SMC1A: variants seen among roughly 807,000 people sequenced by gnomAD.
SMC1A encodes the protein structural maintenance of chromosomes 1A.
In SMC1A, 4 loss-of-function variants were observed where a neutral mutation model predicts 94.5. The ratio of observed to expected loss-of-function variants is 0.04; its 90% CI spans 0.02 to 0.10. SMC1A has a LOEUF of 0.10. SMC1A is among the 10% of genes least tolerant of loss of function. The pLI, the probability that SMC1A is intolerant of heterozygous loss-of-function variation, is 1.00. For missense variants in SMC1A, 304 were observed against 989.0 expected (o/e 0.31, Z 9.29); for synonymous variants, 345 against 347.7 (o/e 0.99, Z 0.09).
At chrX:53,414,550 A>G (rs2075725022) in intron 3 of SMC1A, among the ~76,000 whole-genome samples, 1 of 111,950 alleles carries the variant, frequency 8.9e-6, no homozygotes, top group African/African-American at 3.2e-5. Context: ...AAATGTTTTA[A>G]GGAAAAAAGG....
intron 13 of SMC1A, 148 bp from the exon 14 acceptor site, chrX:53,404,041 T>C: frequency 3.9e-6 from 2 of 515,932 alleles, no homozygotes; most frequent in South Asian, 5.2e-5. Flanking sequence ...CAAGCCTCCA[T>C]GATGTTGCAC....
intron 1 of SMC1A, among the ~76,000 whole-genome samples, chrX:53,419,143 TATA>T (rs2075744306): frequency 1.8e-5 from 2 of 108,950 alleles, no homozygotes; most frequent in East Asian, 5.8e-4. Flanking sequence ...AAAGAACTTA[TATA>T]TGACTTTGAA....
chrX:53,415,261 C>A, intron 1 of SMC1A, 92 bp from the exon 2 acceptor site: 1 of 735,096 alleles, frequency 1.4e-6, no homozygotes. Flanking sequence ...AAAATGTCCC[C>A]TAATCACTCA....
rs1251659129 is a variant in SMC1A, at chrX:53,421,505, A to C, written c.109+987T>G. Among the ~76,000 whole-genome samples the C allele has an allele frequency of 2.7e-5, 3 of 112,023 alleles. No individual in the cohort carries two copies. In the Admixed American group the frequency reaches 2.8e-4, roughly 11 times the overall value. On this transcript the variant is annotated intron_variant, in intron 1 of 24. Coordinates refer to ENST00000322213, the MANE Select transcript of SMC1A (RefSeq NM_006306.4). ...TTCAGCTAGAACATCTCTGGGGTGG[A>C]AGAATACAGCAGGATTCCAAATGGA...
intron 9 of SMC1A, among the ~76,000 whole-genome samples, chrX:53,408,840 T>TAAAAAAAAAAAAAAAAAAAAA (rs1295569888): frequency 1.5e-5 from 1 of 67,063 alleles, no homozygotes. Context: ...GGTTGAAAAA[T>TAAAAAAAAAAAAAAAAAAAAA]AAAAAAAAAA....
chrX:53,374,864 C>T lies in SMC1A; in HGVS notation c.*5239G>A, dbSNP rs1372319660. ...CCCTCATCCACCACCACTAATGCCT[C>T]ATTAAATTCTAATTAACGTTCACTT... On this transcript the variant is annotated 3_prime_UTR_variant, in exon 25 of 25. Transcript: ENST00000322213. 8.8e-6 allele frequency: 1 copy of T among 113,006 alleles called. No individual in the cohort carries two copies. The highest frequency in any genetic ancestry group is 2.8e-4 in the East Asian group (1 of 3,584). 9.3% of individuals were successfully genotyped at this position (113,006 alleles called of 1,213,427 possible).
chrX:53,420,718 GGC>G (rs1195189601), intron 1 of SMC1A, among the ~76,000 whole-genome samples: 2 of 110,452 alleles, frequency 1.8e-5, no homozygotes, highest in Non-Finnish European at 3.8e-5. Context: ...CCAACCTTTG[GGC>G]TTCTCCCATC....
rs782145075 is a variant in SMC1A, at chrX:53,405,163, G to A, written c.2059-14C>T. 3 of 1,212,060 alleles carry A rather than the reference G, an allele frequency of 2.5e-6. No individual in the cohort carries two copies. The highest frequency in any genetic ancestry group is 3.0e-5 in the East Asian group (1 of 33,869). On this transcript the variant is annotated splice_polypyrimidine_tract_variant and intron_variant, in intron 12 of 24. Coordinates refer to ENST00000322213, the MANE Select transcript of SMC1A (RefSeq NM_006306.4). ...CTTCATCTGCTCCTGAAGGGAACAA[G>A]AAAGAAGGGCTAGGTGGTAAGGTGG...
chrX:53,422,450 C>G (rs782586637), intron 1 of SMC1A, 42 bp downstream of exon 1: 1 of 925,178 alleles, frequency 1.1e-6, no homozygotes, highest in East Asian at 3.1e-5. Context: ...ATAAGGGGTC[C>G]AGGCCGGGAC....
rs193056216 is a variant in SMC1A, at chrX:53,388,757, G to A, written c.2974-5504C>T. Among the ~76,000 whole-genome samples, 10 of 109,476 alleles carry A rather than the reference G, an allele frequency of 9.1e-5. No individual in the cohort carries two copies. The Admixed American group carries it at 1.0e-3, about 11-fold the overall frequency. ...TCACACCTGTAATCCGAGCACTCTG[G>A]GAGGCCGAGGCGGGTGGATCACAAG... On this transcript the variant is annotated intron_variant, in intron 19 of 24. Transcript: ENST00000322213.
chrX:53,419,179 C>T (rs1412314941), intron 1 of SMC1A, among the ~76,000 whole-genome samples: 1 of 109,589 alleles, frequency 9.1e-6, no homozygotes, highest in African/African-American at 3.3e-5. Flanking sequence ...TTTCCAACAC[C>T]TTTCTACTCA....
chrX:53,399,774 C>A (rs782391373), intron 15 of SMC1A, 44 bp from the exon 16 acceptor site: 1 of 1,146,362 alleles, frequency 8.7e-7, no homozygotes, highest in Non-Finnish European at 1.2e-6. Flanking sequence ...ATCTCATCAG[C>A]CAGAGATAAC....
intron 3 of SMC1A, among the ~76,000 whole-genome samples, chrX:53,413,985 G>A (rs782732219): frequency 8.0e-4 from 86 of 107,797 alleles, no homozygotes; most frequent in Non-Finnish European, 1.5e-3. Flanking sequence ...GCTGAGGCAG[G>A]AGAATCACTT....
chrX:53,388,244 A>C (rs2075613265), intron 19 of SMC1A, among the ~76,000 whole-genome samples: 2 of 111,287 alleles, frequency 1.8e-5, no homozygotes, highest in Admixed American at 1.9e-4. Flanking sequence ...GAATCTAACC[A>C]AGCCACTGTG....
rs1556889612 is a variant in SMC1A at position 53,405,754 on chromosome X, T to C, written c.1731+17A>G. On this transcript the variant is annotated intron_variant, in intron 10 of 24. Transcript: ENST00000322213. ...GCCCTTGAACACTGGCCTGACCCAA[T>C]CCCCAACAAGCCTCACCTCCAGGTA... The C allele has an allele frequency of 8.3e-7, 1 of 1,208,899 alleles. No individual in the cohort carries two copies. The highest frequency in any genetic ancestry group is 1.8e-5 in the South Asian group (1 of 56,728).
upstream of SMC1A, chrX:53,422,670 G>A: frequency 1.4e-6 from 1 of 707,943 alleles, no homozygotes; most frequent in Non-Finnish European, 2.2e-6. Flanking sequence ...AGCCCGCGCG[G>A]GAAACGCCGC....
Position 53,409,277 on chromosome X carries a change from G to A in SMC1A, c.1338-8C>T. ...TGCTCTTCTAGGGACTGCCTACAAA[G>A]TGAGGGCACACAGGAGTTACTCCTG... On this transcript the variant is annotated splice_region_variant and splice_polypyrimidine_tract_variant and intron_variant, in intron 8 of 24. Transcript: ENST00000322213. 8.3e-7 allele frequency: 1 copy of A among 1,202,911 alleles called. No homozygotes were observed.
At chrX:53,380,473 G>A in intron 24 of SMC1A, 147 bp downstream of exon 24, 1 of 500,054 alleles carries the variant, frequency 2.0e-6, no homozygotes, top group Non-Finnish European at 3.5e-6. Flanking sequence ...AGCCTCCAGA[G>A]GCAGGGCTCC....
chrX:53,414,857 C>T lies in SMC1A; in HGVS notation c.312G>A (p.Glu104=). The T allele has an allele frequency of 8.3e-7, 1 of 1,202,138 alleles. No homozygotes were observed. ...FARVIVGGSS[E]YKINNKVVQL... ...GGACCACTTTGTTGTTGATCTTGTA[C>T]TCAGAAGAACCTCCTACAAGACAAT... is the stretch of plus-strand genomic sequence containing the variant. Residue 104 remains glutamate, a synonymous_variant, in exon 3 of 25, where the codon GAG becomes GAA. Coordinates refer to ENST00000322213, the MANE Select transcript of SMC1A (RefSeq NM_006306.4).
Sources: allele counts gnomAD v4.1 joint callset (sites outside exome capture counted in the v4.1 genomes callset), GRCh38; gene constraint gnomAD v4.1.1; transcripts MANE v1.5; gene names NCBI Gene and HGNC (gene_info 2026-07-23, HGNC 2026-07-21).